GPR158: variants seen among roughly 807,000 people sequenced by gnomAD.
The protein encoded by GPR158 is G protein-coupled receptor 158.
Under a neutral mutation model 78.2 loss-of-function variants are expected in GPR158, and 30 were observed. The observed-to-expected ratio is 0.38, with a 90% CI of 0.29 to 0.52. The LOEUF (loss-of-function observed/expected upper bound fraction) is 0.52, where lower values mean the gene tolerates loss of function less well. Ranked by LOEUF, GPR158 falls within the 20% of genes least tolerant of loss-of-function variation. The probability of loss-of-function intolerance (pLI) is 0.83; values close to 1 mark genes in which losing one functional copy is unlikely to be tolerated. For missense variants in GPR158, 1,463 were observed against 1,523.5 expected, an observed-to-expected ratio of 0.96 and a Z score of 0.66; for synonymous variants, 581 against 591.1, an observed-to-expected ratio of 0.98 and a Z score of 0.25.
intron 2 of GPR158, among the ~76,000 whole-genome samples, chr10:25,306,031 T>C (rs7071187): frequency 0.2 from 30,640 of 151,968 alleles, 5,188 homozygotes; most frequent in African/African-American, 0.47. Flanking sequence ...TCTACTCCCG[T>C]TATTATCACA....
intron 2 of GPR158, among the ~76,000 whole-genome samples, chr10:25,242,524 A>T (rs1853640549): frequency 6.6e-6 from 1 of 152,220 alleles, no homozygotes; most frequent in Non-Finnish European, 1.5e-5. Context: ...GGAAAGGGTT[A>T]ATGTTAGGAA....
At chr10:25,389,324 C>A (rs866159453) in intron 2 of GPR158, among the ~76,000 whole-genome samples, 2 of 152,166 alleles carry the variant, frequency 1.3e-5, no homozygotes, top group African/African-American at 4.8e-5. Context: ...ACCCCAGGGT[C>A]TCCTCTTTGC....
intron 2 of GPR158, among the ~76,000 whole-genome samples, chr10:25,268,163 TA>T (rs1267710286): frequency 6.6e-6 from 1 of 152,164 alleles, no homozygotes; most frequent in Non-Finnish European, 1.5e-5. Context: ...ACTCTCTATA[TA>T]AAATCAAATG....
At chr10:25,503,432 G>T (rs1835967948) in intron 5 of GPR158, among the ~76,000 whole-genome samples, 1 of 152,126 alleles carries the variant, frequency 6.6e-6, no homozygotes, top group African/African-American at 2.4e-5. Flanking sequence ...CTAAGTATCT[G>T]TGGACATATT....
intron 2 of GPR158, among the ~76,000 whole-genome samples, chr10:25,335,652 G>A (rs1226451688): frequency 6.6e-6 from 1 of 151,982 alleles, no homozygotes; most frequent in Non-Finnish European, 1.5e-5. Context: ...AATGGCTATT[G>A]TAATAAACTC....
At chr10:25,467,732 G>C (rs1264130346) in intron 5 of GPR158, among the ~76,000 whole-genome samples, 1 of 152,144 alleles carries the variant, frequency 6.6e-6, no homozygotes, top group African/African-American at 2.4e-5. Flanking sequence ...AGTAGTAGCA[G>C]AGAACAGTAC....
At chr10:25,491,929 G>C (rs1835815539) in intron 5 of GPR158, among the ~76,000 whole-genome samples, 1 of 152,028 alleles carries the variant, frequency 6.6e-6, no homozygotes, top group Admixed American at 6.6e-5. Flanking sequence ...TCCTTGTCTT[G>C]GTCTGTTTGT....
At chr10:25,508,146 A>G (rs1836039042) in intron 5 of GPR158, among the ~76,000 whole-genome samples, 1 of 151,356 alleles carries the variant, frequency 6.6e-6, no homozygotes, top group African/African-American at 2.5e-5. Flanking sequence ...TAATCTTTTT[A>G]TTTATTTATT....
At chr10:25,335,735 G>A (rs761078923) in intron 2 of GPR158, among the ~76,000 whole-genome samples, 1 of 151,830 alleles carries the variant, frequency 6.6e-6, no homozygotes, top group Non-Finnish European at 1.5e-5. Context: ...TAGTTGTTTC[G>A]TATTTGTTTC....
chr10:25,245,103 T>C (rs756413583), intron 2 of GPR158, among the ~76,000 whole-genome samples: 2 of 152,238 alleles, frequency 1.3e-5, no homozygotes, highest in Non-Finnish European at 2.9e-5. Context: ...CAACTACTAA[T>C]TTCGTCCATT....
chr10:25,294,198 A>G (rs74126521), intron 2 of GPR158, among the ~76,000 whole-genome samples: 21,447 of 152,226 alleles, frequency 0.14, 1,805 homozygotes, highest in African/African-American at 0.23. Context: ...TATCTGAACT[A>G]AGAGAGGGAC....
At chr10:25,560,509 C>T (rs1836847175) in intron 6 of GPR158, among the ~76,000 whole-genome samples, 1 of 152,194 alleles carries the variant, frequency 6.6e-6, no homozygotes, top group South Asian at 2.1e-4. Context: ...TTGTGATCCG[C>T]CTGCCTTGGC....
At chr10:25,301,673 G>A (rs1448338416) in intron 2 of GPR158, among the ~76,000 whole-genome samples, 1 of 146,898 alleles carries the variant, frequency 6.8e-6, no homozygotes, top group Non-Finnish European at 1.5e-5. Context: ...TGAGTAACAT[G>A]TACTGCAAAT....
intron 5 of GPR158, among the ~76,000 whole-genome samples, chr10:25,498,267 A>G (rs923477977): frequency 2.6e-5 from 4 of 152,164 alleles, no homozygotes. Flanking sequence ...TTCGGAATAG[A>G]TGCAGTTTGC....
chr10:25,321,064 G>A (rs1024020431), intron 2 of GPR158, among the ~76,000 whole-genome samples: 1 of 152,108 alleles, frequency 6.6e-6, no homozygotes, highest in African/African-American at 2.4e-5. Flanking sequence ...TCTGTTCTTG[G>A]CACTAATGAA....
intron 5 of GPR158, among the ~76,000 whole-genome samples, chr10:25,481,695 C>T (rs768875524): frequency 2.0e-5 from 3 of 152,182 alleles, no homozygotes; most frequent in African/African-American, 2.4e-5. Flanking sequence ...TTTGAGAAAT[C>T]GCCAAACTCT....
chr10:25,380,869 A>AT (rs1384740596), intron 2 of GPR158, among the ~76,000 whole-genome samples: 1 of 152,188 alleles, frequency 6.6e-6, no homozygotes, highest in African/African-American at 2.4e-5. Flanking sequence ...AAAGGCATTG[A>AT]TTTTACATAT....
chr10:25,445,170 A>G (rs751681108), intron 4 of GPR158, among the ~76,000 whole-genome samples: 6 of 152,218 alleles, frequency 3.9e-5, no homozygotes, highest in Non-Finnish European at 5.9e-5. Context: ...TAAATGAGAA[A>G]AAAGGAACAG....
intron 5 of GPR158, among the ~76,000 whole-genome samples, chr10:25,503,197 C>A (rs572723557): frequency 7.6e-4 from 97 of 127,852 alleles, no homozygotes; most frequent in African/African-American, 3.1e-3. Context: ...CATAGCAAGA[C>A]CTCATTGCAA....
Sources: gnomAD v4.1 joint callset for allele counts (sites outside exome capture counted in the v4.1 genomes callset) on GRCh38, gnomAD v4.1.1 for gene constraint, MANE v1.5 for transcripts, NCBI Gene and HGNC (gene_info 2026-07-23, HGNC 2026-07-21) for gene names.